WT1: variants seen among roughly 807,000 people sequenced by gnomAD.
The protein encoded by WT1 is WT1 transcription factor.
WT1 carries 8 observed loss-of-function variants against 60.8 expected under a neutral mutation model. That is an observed-to-expected ratio of 0.13 (90% CI 0.08 to 0.24). The LOEUF (loss-of-function observed/expected upper bound fraction) is 0.24, where lower values mean the gene tolerates loss of function less well. Ranked by LOEUF, WT1 falls within the 10% of genes least tolerant of loss-of-function variation. WT1 has a pLI of 1.00. For missense variants in WT1, 568 were observed against 711.8 expected, an observed-to-expected ratio of 0.80 and a Z score of 2.30; for synonymous variants, 312 against 297.1, an observed-to-expected ratio of 1.05 and a Z score of -0.52.
At chr11:32,404,855 T>A (rs1852262282) in intron 5 of WT1, among the ~76,000 whole-genome samples, 2 of 152,178 alleles carry the variant, frequency 1.3e-5, no homozygotes, top group Non-Finnish European at 2.9e-5. Flanking sequence ...CCCCAGCTTG[T>A]TCTCAAAGAT....
chr11:32,423,571 C>T (rs1852923640), intron 3 of WT1, among the ~76,000 whole-genome samples: 1 of 152,206 alleles, frequency 6.6e-6, no homozygotes, highest in East Asian at 1.9e-4. Flanking sequence ...GCCACCTTCA[C>T]AAAGAGAATG....
chr11:32,408,601 GAGA>G (rs1852400419), intron 5 of WT1, among the ~76,000 whole-genome samples: 1 of 149,794 alleles, frequency 6.7e-6, no homozygotes, highest in Non-Finnish European at 1.5e-5. Flanking sequence ...GAATGAGAGA[GAGA>G]GAGGAAGAAA....
intron 5 of WT1, among the ~76,000 whole-genome samples, chr11:32,411,693 G>A (rs1433107374): frequency 1.3e-5 from 2 of 152,146 alleles, no homozygotes; most frequent in African/African-American, 2.4e-5. Flanking sequence ...CAACAGCCAG[G>A]GAGGAGAAAG....
intron 1 of WT1, chr11:32,430,640 G>C: frequency 1.3e-6 from 2 of 1,515,152 alleles, no homozygotes; most frequent in Non-Finnish European, 1.8e-6. Flanking sequence ...GTCCCGAGTC[G>C]CGGCACCCAC....
At chr11:32,434,078 AGC>A (rs1393316334) in intron 1 of WT1, among the ~76,000 whole-genome samples, 1 of 151,870 alleles carries the variant, frequency 6.6e-6, no homozygotes, top group African/African-American at 2.4e-5. Context: ...CATACGCGGG[AGC>A]TATCCACGGA....
intron 5 of WT1, among the ~76,000 whole-genome samples, chr11:32,406,153 T>C (rs1232142940): frequency 6.6e-6 from 1 of 152,116 alleles, no homozygotes; most frequent in Non-Finnish European, 1.5e-5. Flanking sequence ...TAGTTTTGCA[T>C]AAAGCAGTGG....
At chr11:32,424,160 CAAAA>C (rs10690035) in intron 3 of WT1, among the ~76,000 whole-genome samples, 12 of 92,218 alleles carry the variant, frequency 1.3e-4, no homozygotes, top group South Asian at 3.9e-4. Context: ...GATGCCATCT[CAAAA>C]AAAAAAAAAA....
rs1366922803 is a variant in WT1, at chr11:32,430,451, G to GGGTAGAGAGAGAGA, written c.662-1833_662-1832insTCTCTCTCTCTACC. Reference sequence around the variant, plus strand: ...CAGACACAGAGAGAGAGAGAGAGAGGGAGGGAGAGAGAGAGAGAGAGAGAG... The same window carrying GGGTAGAGAGAGAGA: ...CAGACACAGAGAGAGAGAGAGAGAGGGGTAGAGAGAGAGAGAGGGAGAGAGAGAGAGAGAGAGAG... On this transcript the variant is annotated intron_variant, in intron 1 of 9. Transcript: ENST00000452863. 3.5e-6 allele frequency: 3 copies of GGGTAGAGAGAGAGA among 845,544 alleles called. No homozygotes were observed. The African/African-American group carries it at 1.1e-4, about 31-fold the overall frequency. The allele number at this position is 845,544 out of a possible 1,614,324, so 52.4% of individuals were successfully genotyped here.
At chr11:32,417,345 G>C in intron 4 of WT1, 2 of 554,794 alleles carry the variant, frequency 3.6e-6, no homozygotes, top group Non-Finnish European at 6.4e-6. Context: ...ACCATAATAA[G>C]TGTCCTCAAT....
chr11:32,408,514 T>TTAAA (rs1852392734), intron 5 of WT1, among the ~76,000 whole-genome samples: 1 of 74,234 alleles, frequency 1.3e-5, no homozygotes, highest in Non-Finnish European at 2.8e-5. Context: ...GACTACGTCT[T>TTAAA]AAAAAAAAAA....
chr11:32,424,180 A>AAAAAG (rs1590386350), intron 3 of WT1, among the ~76,000 whole-genome samples: 1 of 148,962 alleles, frequency 6.7e-6, no homozygotes, highest in Non-Finnish European at 1.5e-5. Context: ...AAAAAAAAAA[A>AAAAAG]GTGATACATT....
intron 5 of WT1, among the ~76,000 whole-genome samples, chr11:32,409,261 A>T (rs530704543): frequency 6.8e-4 from 103 of 152,344 alleles, no homozygotes; most frequent in African/African-American, 2.3e-3. Context: ...TAAATATTTT[A>T]AAATGCTTGG....
chr11:32,419,894 A>C (rs1220653053), intron 3 of WT1, among the ~76,000 whole-genome samples: 4 of 152,130 alleles, frequency 2.6e-5, no homozygotes, highest in Non-Finnish European at 5.9e-5. Context: ...GGGTTTCACC[A>C]TGTTGGTCAG....
Position 32,388,799 on chromosome 11 carries a change from G to T in WT1, c.*259C>A. On this transcript the variant is annotated 3_prime_UTR_variant, in exon 10 of 10. Coordinates refer to ENST00000452863, the MANE Select transcript of WT1 (RefSeq NM_024426.6). ...TTACAGTAGAAAATCCACACCAAAT[G>T]GCAATGGGCTTTTAACTAACCAGAC... The T allele has an allele frequency of 1.8e-6, 1 of 566,452 alleles. No homozygotes were observed. Among genetic ancestry groups the T allele is most frequent in the Non-Finnish European group, 3.1e-6 (1 of 322,672 alleles). The allele number at this position is 566,452 out of a possible 1,614,324, so 35.1% of individuals were successfully genotyped here.
chr11:32,430,915 G>T, intron 1 of WT1: 4 of 1,082,364 alleles, frequency 3.7e-6, no homozygotes, highest in Non-Finnish European at 4.5e-6. Flanking sequence ...CTGGCGCGGA[G>T]AGTGCGGGGG....
At chr11:32,425,750 T>C (rs1853013856) in intron 3 of WT1, among the ~76,000 whole-genome samples, 1 of 152,192 alleles carries the variant, frequency 6.6e-6, no homozygotes, top group East Asian at 1.9e-4. Context: ...GAGGGAAAAA[T>C]AGTATTTTTA....
intron 5 of WT1, among the ~76,000 whole-genome samples, chr11:32,415,934 G>A (rs1852654118): frequency 6.6e-6 from 1 of 152,184 alleles, no homozygotes; most frequent in South Asian, 2.1e-4. Flanking sequence ...AGGGCGGCTG[G>A]TTGTGGAGTT....
At chr11:32,431,545 T>G (rs1164701389) in intron 1 of WT1, among the ~76,000 whole-genome samples, 6 of 151,724 alleles carry the variant, frequency 4.0e-5, no homozygotes, top group Non-Finnish European at 8.8e-5. Flanking sequence ...CAAACGATTC[T>G]TGTGCCTCAG....
In WT1 at chr11:32,434,936, T is replaced by G. The variant is rs1565001515; in HGVS notation, c.425A>C (p.His142Pro). 2.5e-6 allele frequency: 4 copies of G among 1,593,468 alleles called. No homozygotes were observed. The highest frequency in any genetic ancestry group is 1.1e-5 in the South Asian group (1 of 89,444). ...GCTCGGCTCCTGTTTGATGAAGGAG[T>G]GAGGCGGCGGCGGCGGGGGTGGCGG... Residue 142 changes from histidine (H) to proline (P), a missense_variant, in exon 1 of 10, where the codon CAC becomes CCC. Transcript: ENST00000452863.
Sources: gnomAD v4.1 joint callset for allele counts (sites outside exome capture counted in the v4.1 genomes callset) on GRCh38, gnomAD v4.1.1 for gene constraint, MANE v1.5 for transcripts, NCBI Gene and HGNC (gene_info 2026-07-23, HGNC 2026-07-21) for gene names.